Variants in NQO1 observed in about 807,000 individuals in gnomAD.
NQO1 encodes the protein NAD(P)H quinone dehydrogenase 1.
NQO1 carries 30 observed loss-of-function variants against 32.1 expected under a neutral mutation model. That is an observed-to-expected ratio of 0.94 (90% confidence interval 0.70 to 1.27). NQO1 has a LOEUF of 1.27. NQO1 is among the 50% of genes most tolerant of loss of function. NQO1 has a pLI of 0.00. For synonymous variants in NQO1, 109 were observed against 119.7 expected, an observed-to-expected ratio of 0.91 and a Z score of 0.59; for missense variants, 276 against 331.3, an observed-to-expected ratio of 0.83 and a Z score of 1.30.
Position 69,715,061 on chromosome 16 carries a change from A to C in NQO1, c.320T>G (p.Phe107Cys), listed in dbSNP as rs760765580. 1.1e-5 allele frequency: 18 copies of C among 1,613,336 alleles called. No homozygotes were observed. The African/African-American group carries it at 2.1e-4, about 19-fold the overall frequency. ...GCCTTTCAGAATGGCAGGGACTCCAAACCACTGCAGGGGGAACTGTGGGAC... is the reference window on the plus strand; with the variant it reads ...GCCTTTCAGAATGGCAGGGACTCCACACCACTGCAGGGGGAACTGTGGGAC... The part of the protein sequence containing the change: ...LVIFQFPLQW[F>C]GVPAILKGWF... The change falls in exon 4 of 6, where the codon TTT (phenylalanine) becomes TGT (cysteine). Residue 107 changes from phenylalanine (F) to cysteine (C), a missense_variant. Phe to Cys is a radical substitution (Grantham distance 205). Coordinates refer to ENST00000320623, the MANE Select transcript of NQO1 (RefSeq NM_000903.3).
At chr16:69,723,492 A>T (rs528580054) in intron 1 of NQO1, among the ~76,000 whole-genome samples, 1 of 152,148 alleles carries the variant, frequency 6.6e-6, no homozygotes, top group Non-Finnish European at 1.5e-5. Flanking sequence ...AACTCAAAAG[A>T]AAAATGATCA....
chr16:69,724,275 TG>T (rs1423378047), intron 1 of NQO1, among the ~76,000 whole-genome samples: 2 of 152,020 alleles, frequency 1.3e-5, no homozygotes, highest in Non-Finnish European at 2.9e-5. Flanking sequence ...ATCACGCCAC[TG>T]CACTACAGCC....
intron 5 of NQO1, 76 bp from the exon 6 acceptor site, chr16:69,711,357 T>A: frequency 7.6e-7 from 1 of 1,318,020 alleles, no homozygotes; most frequent in Non-Finnish European, 1.0e-6. Context: ...GAAGTTGGTC[T>A]GGGCTTCTCA....
intron 5 of NQO1, among the ~76,000 whole-genome samples, 165 bp downstream of exon 5, chr16:69,712,863 G>A (rs899934602): frequency 3.3e-5 from 5 of 152,118 alleles, no homozygotes; most frequent in African/African-American, 4.8e-5. Context: ...AAAATTAGCC[G>A]AGTGTGGTGG....
At chr16:69,721,121 C>A (rs1289101931) in intron 1 of NQO1, among the ~76,000 whole-genome samples, 1 of 150,954 alleles carries the variant, frequency 6.6e-6, no homozygotes, top group South Asian at 2.1e-4. Flanking sequence ...GTTGCCCAGG[C>A]TGGGGCAATT....
At chr16:69,722,937 TG>T (rs1436734554) in intron 1 of NQO1, among the ~76,000 whole-genome samples, 1 of 152,180 alleles carries the variant, frequency 6.6e-6, no homozygotes, top group African/African-American at 2.4e-5. Context: ...TTTGTTTGTT[TG>T]TTTTTTTGAG....
rs1304749420 is a variant in NQO1 at position 69,710,843 on chromosome 16, CA to C, written c.*132del. 2.0e-5 allele frequency: 20 copies of C among 978,414 alleles called. No homozygotes were observed. The highest frequency in any genetic ancestry group is 3.0e-4 in the Middle Eastern group (1 of 3,338). The allele number at this position is 978,414 out of a possible 1,614,324, so 60.6% of individuals were successfully genotyped here. A position where few individuals can be genotyped will look rare whatever the true frequency, so the allele number is the denominator to read the frequency against. On this transcript the variant is annotated 3_prime_UTR_variant, in exon 6 of 6. Transcript: ENST00000320623. ...AAAATGATCCAAAAATGCACGAATA[CA>C]GTCGATTCCCTCTCATTTATTCCTT...
At chr16:69,725,094 A>G (rs1208546099) in intron 1 of NQO1, among the ~76,000 whole-genome samples, 2 of 152,204 alleles carry the variant, frequency 1.3e-5, no homozygotes, top group Non-Finnish European at 2.9e-5. Flanking sequence ...GTATGCGGCA[A>G]GCCTCTCAGC....
chr16:69,709,729 A>T lies in NQO1; in HGVS notation c.*1247T>A. 5.0e-6 allele frequency: 2 copies of T among 398,536 alleles called. No homozygotes were observed. Among genetic ancestry groups the T allele is most frequent in the Non-Finnish European group, 8.8e-6 (2 of 226,038 alleles). 24.7% of individuals were successfully genotyped at this position (398,536 alleles called of 1,614,324 possible). The stretch of plus-strand genomic sequence containing the variant: ...TCATATTCTCCTTGAATTATATAAT[A>T]CCAACAGTGGAATGAGATGACTTCC... On this transcript the variant is annotated 3_prime_UTR_variant, in exon 6 of 6. Transcript: ENST00000320623.
At chr16:69,722,722 G>A (rs140291925) in intron 1 of NQO1, among the ~76,000 whole-genome samples, 1 of 152,172 alleles carries the variant, frequency 6.6e-6, no homozygotes, top group South Asian at 2.1e-4. Context: ...ATTTCAATGC[G>A]CTGGAAGTGA....
intron 4 of NQO1, among the ~76,000 whole-genome samples, chr16:69,714,664 G>A (rs1369030930): frequency 4.0e-5 from 6 of 151,120 alleles, no homozygotes; most frequent in Non-Finnish European, 8.9e-5. Flanking sequence ...TAGATCACCT[G>A]AGGTCAGGAG....
At chr16:69,711,906 A>T (rs938396206) in intron 5 of NQO1, among the ~76,000 whole-genome samples, 2 of 152,054 alleles carry the variant, frequency 1.3e-5, no homozygotes. Flanking sequence ...CGCCTGCCTC[A>T]GTCTCCCAAA....
intron 3 of NQO1, among the ~76,000 whole-genome samples, chr16:69,715,910 T>A (rs2038106443): frequency 6.6e-6 from 1 of 152,096 alleles, no homozygotes; most frequent in South Asian, 2.1e-4. Context: ...CTCATGCCTA[T>A]AATCCCAGTA....
intron 1 of NQO1, among the ~76,000 whole-genome samples, chr16:69,725,755 T>A (rs2038252608): frequency 6.6e-6 from 1 of 152,184 alleles, no homozygotes; most frequent in East Asian, 1.9e-4. Context: ...ACTCCTGTAA[T>A]CCCAGCTACT....
At chr16:69,719,246 T>C (rs1567633543) in intron 1 of NQO1, among the ~76,000 whole-genome samples, 1 of 152,122 alleles carries the variant, frequency 6.6e-6, no homozygotes, top group Non-Finnish European at 1.5e-5. Flanking sequence ...TGCCTCAACC[T>C]TTAGGGAAAG....
chr16:69,725,329 C>A (rs1016103534), intron 1 of NQO1, among the ~76,000 whole-genome samples: 1 of 152,128 alleles, frequency 6.6e-6, no homozygotes, highest in South Asian at 2.1e-4. Context: ...AGGATTCTGC[C>A]CCAGATGAGG....
chr16:69,723,960 C>T (rs950224910), intron 1 of NQO1, among the ~76,000 whole-genome samples: 1 of 152,136 alleles, frequency 6.6e-6, no homozygotes, highest in African/African-American at 2.4e-5. Flanking sequence ...ACAAGATGCA[C>T]ACACGGATAA....
At position 69,713,097 on chromosome 16, in the gene NQO1, A is replaced by G; in HGVS notation, c.450T>C (p.Gly150=). The change falls in exon 5 of 6, where the codon GGT becomes GGC. Residue 150 remains glycine, a synonymous_variant. Coordinates refer to ENST00000320623, the MANE Select transcript of NQO1 (RefSeq NM_000903.3). ...SKKAVLSITT[G]GSGSMYSLQG... is the part of the protein sequence containing the mutation. ...GCAGAGAGTACATGGAGCCACTGCC[A>G]CCAGTGGTGATGGAAAGCACTGCCT... 6.2e-7 allele frequency: 1 copy of G among 1,614,130 alleles called. No individual in the cohort carries two copies. The highest frequency in any genetic ancestry group is 1.1e-5 in the South Asian group (1 of 91,080).
Position 69,709,531 on chromosome 16 carries a change from C to T in NQO1, c.*1445G>A, listed in dbSNP as rs567324711. ...ACCCAGCCGTCAGCTATTGTGGATA[C>T]TGTCGAGAGCAAAAACCACCAGTGC... On this transcript the variant is annotated 3_prime_UTR_variant, in exon 6 of 6. Transcript: ENST00000320623. 8 of 378,480 alleles carry T rather than the reference C, an allele frequency of 2.1e-5. No homozygotes were observed. Among genetic ancestry groups the T allele is most frequent in the Middle Eastern group, 1.4e-3 (2 of 1,470 alleles). The allele number at this position is 378,480 out of a possible 1,614,324, so 23.4% of individuals were successfully genotyped here.
Sources: gnomAD v4.1 joint callset for allele counts (sites outside exome capture counted in the v4.1 genomes callset) on GRCh38, gnomAD v4.1.1 for gene constraint, MANE v1.5 for transcripts, NCBI Gene and HGNC (gene_info 2026-07-23, HGNC 2026-07-21) for gene names.